LRP1B: variants seen among roughly 807,000 people sequenced by gnomAD.
LRP1B encodes low-density lipoprotein receptor-related protein 1B.
In LRP1B, 217 loss-of-function variants were observed where a neutral mutation model predicts 556.6. That is an observed-to-expected ratio of 0.39 (90% confidence interval 0.35 to 0.44). LRP1B has a LOEUF of 0.44. Ranked by LOEUF, LRP1B falls within the 20% of genes least tolerant of loss-of-function variation. The pLI, the probability that LRP1B is intolerant of heterozygous loss-of-function variation, is 1.00. For missense variants in LRP1B, 5,053 were observed against 5,620.8 expected (o/e 0.90, Z 3.23); for synonymous variants, 2,047 against 1,865.8 (o/e 1.10, Z -2.50).
At chr2:140,830,211 A>G (rs1487468271) in intron 31 of LRP1B, among the ~76,000 whole-genome samples, 2 of 152,112 alleles carry the variant, frequency 1.3e-5, no homozygotes, top group African/African-American at 4.8e-5. Flanking sequence ...AATTCTACTC[A>G]AAGTATTTAT....
At position 141,896,635 on chromosome 2, in the gene LRP1B, C is replaced by G. The variant is rs184686131; in HGVS notation, c.83-86234G>C. On this transcript the variant is annotated intron_variant, in intron 1 of 90. Coordinates refer to ENST00000389484, the MANE Select transcript of LRP1B (RefSeq NM_018557.3). ...GCAATGTATGGTACCAGAACAATCA[C>G]AAATGCAAACAAAAATGTAGGCATC... Among the ~76,000 whole-genome samples the G allele has an allele frequency of 3.3e-3, 498 of 152,186 alleles. 4 individuals carry two copies. Among genetic ancestry groups the G allele is most frequent in the Middle Eastern group, 0.01 (3 of 294 alleles).
At chr2:140,836,757 T>TA (rs568969939) in intron 31 of LRP1B, among the ~76,000 whole-genome samples, 9 of 151,482 alleles carry the variant, frequency 5.9e-5, no homozygotes, top group South Asian at 2.1e-4. Flanking sequence ...TGGAAGTATT[T>TA]AAAAAAAAAG....
intron 3 of LRP1B, among the ~76,000 whole-genome samples, chr2:141,475,705 G>T (rs566438542): frequency 1.3e-5 from 2 of 152,226 alleles, no homozygotes; most frequent in South Asian, 4.1e-4. Flanking sequence ...ACAGAGTGGT[G>T]AGGCAGAGAA....
At chr2:141,180,202 A>G (rs1018931582) in intron 7 of LRP1B, among the ~76,000 whole-genome samples, 1 of 151,710 alleles carries the variant, frequency 6.6e-6, no homozygotes, top group Non-Finnish European at 1.5e-5. Flanking sequence ...GCAATATTTA[A>G]TATTTCTTAC....
At chr2:141,785,714 G>A (rs781434579) in intron 2 of LRP1B, among the ~76,000 whole-genome samples, 3 of 150,720 alleles carry the variant, frequency 2.0e-5, no homozygotes, top group Non-Finnish European at 3.0e-5. Flanking sequence ...GGCCTTCTCC[G>A]TATATAGTTC....
intron 3 of LRP1B, among the ~76,000 whole-genome samples, chr2:141,401,301 G>A (rs1690444653): frequency 6.6e-6 from 1 of 152,124 alleles, no homozygotes; most frequent in African/African-American, 2.4e-5. Flanking sequence ...AGAATGGAAT[G>A]CTAGTCACCA....
chr2:140,429,703 A>G (rs1484369122), intron 66 of LRP1B, among the ~76,000 whole-genome samples: 3 of 152,104 alleles, frequency 2.0e-5, no homozygotes, highest in Non-Finnish European at 4.4e-5. Flanking sequence ...ATTCTTACAC[A>G]AGAGCCAGGA....
chr2:141,632,790 C>G (rs1330793123), intron 2 of LRP1B, among the ~76,000 whole-genome samples: 1 of 149,552 alleles, frequency 6.7e-6, no homozygotes, highest in South Asian at 2.1e-4. Flanking sequence ...TAGTCTAGAA[C>G]TGTGCCAATT....
chr2:141,517,018 A>AC (rs1354902093), intron 2 of LRP1B, among the ~76,000 whole-genome samples: 13 of 130,232 alleles, frequency 1.0e-4, no homozygotes, highest in Non-Finnish European at 1.5e-4. Flanking sequence ...AAAAAAAAAA[A>AC]AAAAAAAAAA....
intron 7 of LRP1B, among the ~76,000 whole-genome samples, chr2:141,168,060 C>T (rs1680342656): frequency 1.3e-5 from 2 of 151,920 alleles, no homozygotes; most frequent in South Asian, 4.2e-4. Flanking sequence ...AAACAAGTTG[C>T]TAAAACAGAA....
intron 3 of LRP1B, among the ~76,000 whole-genome samples, chr2:141,291,035 T>C (rs1317507982): frequency 6.6e-6 from 1 of 151,586 alleles, no homozygotes; most frequent in Non-Finnish European, 1.5e-5. Flanking sequence ...GAAAAAAAGG[T>C]AAAAAAAATT....
intron 66 of LRP1B, among the ~76,000 whole-genome samples, chr2:140,432,209 A>C (rs917200237): frequency 6.6e-6 from 1 of 152,062 alleles, no homozygotes. Flanking sequence ...TGACCCCCAC[A>C]TCTGCCCACC....
At position 141,606,068 on chromosome 2, in the gene LRP1B, C is replaced by T. The variant is rs537391264; in HGVS notation, c.206-125535G>A. 4.6e-5 allele frequency among the ~76,000 whole-genome samples: 7 copies of T among 152,240 alleles called. No individual in the cohort carries two copies. The East Asian group carries it at 5.8e-4, about 13-fold the overall frequency. On this transcript the variant is annotated intron_variant, in intron 2 of 90. Transcript: ENST00000389484. The stretch of plus-strand genomic sequence containing the variant: ...GCAATTTATGTCTTTCATACACGTC[C>T]GTGCTAGACAAGAGATGCTTTTCTC...
At chr2:141,771,419 G>GT (rs1558864869) in intron 2 of LRP1B, among the ~76,000 whole-genome samples, 2 of 152,074 alleles carry the variant, frequency 1.3e-5, no homozygotes, top group Non-Finnish European at 2.9e-5. Flanking sequence ...CTGTTAATCT[G>GT]TTAACAGTCT....
chr2:140,432,314 G>C (rs138640637), intron 66 of LRP1B, among the ~76,000 whole-genome samples: 2 of 151,870 alleles, frequency 1.3e-5, no homozygotes, highest in Non-Finnish European at 2.9e-5. Flanking sequence ...CTCTCTTTTC[G>C]GACTCAGCCC....
At chr2:142,008,069 T>C (rs1702851466) in intron 1 of LRP1B, among the ~76,000 whole-genome samples, 1 of 152,160 alleles carries the variant, frequency 6.6e-6, no homozygotes, top group African/African-American at 2.4e-5. Context: ...TGCATCTCTA[T>C]AGAAATGTTT....
At chr2:140,269,240 G>T (rs183109065) in intron 86 of LRP1B, 3 of 469,880 alleles carry the variant, frequency 6.4e-6, no homozygotes, top group Non-Finnish European at 1.3e-5. Context: ...CACACGAAGC[G>T]CAGCGATAAG....
At chr2:141,924,106 G>C (rs1029124243) in intron 1 of LRP1B, among the ~76,000 whole-genome samples, 5 of 151,970 alleles carry the variant, frequency 3.3e-5, no homozygotes, top group African/African-American at 1.2e-4. Flanking sequence ...CCAAAAAGTT[G>C]TGTTTTGGCC....
intron 66 of LRP1B, among the ~76,000 whole-genome samples, chr2:140,419,772 C>A (rs977662449): frequency 1.3e-5 from 2 of 152,052 alleles, no homozygotes; most frequent in African/African-American, 4.8e-5. Flanking sequence ...CTTTGAGAGG[C>A]CAAAGCAAGT....
Sources: gnomAD v4.1 joint callset for allele counts (sites outside exome capture counted in the v4.1 genomes callset) on GRCh38, gnomAD v4.1.1 for gene constraint, MANE v1.5 for transcripts, NCBI Gene and HGNC (gene_info 2026-07-23, HGNC 2026-07-21) for gene names.